TECRL: variants seen among roughly 807,000 people sequenced by gnomAD.
TECRL encodes the protein trans-2,3-enoyl-CoA reductase like, also known as trans-2,3-enoyl-CoA reductase-like.
Under a neutral mutation model 52.8 loss-of-function variants are expected in TECRL, and 63 were observed. The observed-to-expected ratio is 1.19, with a 90% CI of 0.97 to 1.47. The LOEUF is 1.47. Among genes scored for constraint, TECRL ranks in the 40% most tolerant of loss-of-function variants. TECRL has a pLI of 0.00. For synonymous variants in TECRL, 164 were observed against 141.9 expected, an observed-to-expected ratio of 1.16 and a Z score of -1.10; for missense variants, 482 against 429.6, an observed-to-expected ratio of 1.12 and a Z score of -1.08.
chr4:64,307,288 G>T (rs959166469), intron 6 of TECRL, among the ~76,000 whole-genome samples: 5 of 152,042 alleles, frequency 3.3e-5, no homozygotes, highest in African/African-American at 1.2e-4. Flanking sequence ...GGAAGCTTTG[G>T]GTATGAAGCT....
At chr4:64,340,137 A>G (rs1322777147) in intron 2 of TECRL, among the ~76,000 whole-genome samples, 2 of 152,164 alleles carry the variant, frequency 1.3e-5, no homozygotes, top group African/African-American at 4.8e-5. Context: ...AGGGAGGTGA[A>G]GCCAGGACTG....
chr4:64,346,810 G>A (rs180888705), intron 2 of TECRL, among the ~76,000 whole-genome samples: 7 of 152,316 alleles, frequency 4.6e-5, no homozygotes, highest in Admixed American at 4.6e-4. Flanking sequence ...GCACTGGACT[G>A]CAAGTTTCTC....
Position 64,278,681 on chromosome 4 carries a change from C to T in TECRL, c.*1391G>A, listed in dbSNP as rs1722670056. ...AATGTTCTTAACTATAGTCGTCCTA[C>T]AGTGGTATAGAACACCAGAAATTAT... On this transcript the variant is annotated 3_prime_UTR_variant, in exon 12 of 12. Coordinates refer to ENST00000381210, the MANE Select transcript of TECRL (RefSeq NM_001010874.5). 1 of 152,106 alleles carries T rather than the reference C, an allele frequency of 6.6e-6. No individual in the cohort carries two copies. The highest frequency in any genetic ancestry group is 2.4e-5 in the African/African-American group (1 of 41,430). The allele number at this position is 152,106 out of a possible 1,614,324, so 9.4% of individuals were successfully genotyped here. A position where few individuals can be genotyped will look rare whatever the true frequency, so the allele number is the denominator to read the frequency against.
chr4:64,397,097 A>T (rs765809051), intron 1 of TECRL, among the ~76,000 whole-genome samples: 4 of 152,172 alleles, frequency 2.6e-5, no homozygotes, highest in Non-Finnish European at 4.4e-5. Flanking sequence ...GAACTCTTAT[A>T]TTATAAAACA....
chr4:64,409,005 C>T (rs183532961), intron 1 of TECRL, 113 bp downstream of exon 1: 142 of 996,426 alleles, frequency 1.4e-4, no homozygotes, highest in Non-Finnish European at 1.0e-4. Context: ...AGGTAAAAGT[C>T]AGAAATGTAT....
chr4:64,401,271 A>G (rs953903460), intron 1 of TECRL, among the ~76,000 whole-genome samples: 1 of 152,224 alleles, frequency 6.6e-6, no homozygotes, highest in Non-Finnish European at 1.5e-5. Flanking sequence ...TACCATTTTA[A>G]TCTCAGTTTG....
At chr4:64,377,797 A>G (rs546351419) in intron 1 of TECRL, among the ~76,000 whole-genome samples, 139 of 152,250 alleles carry the variant, frequency 9.1e-4, no homozygotes, top group African/African-American at 3.3e-3. Flanking sequence ...CATTTACTAC[A>G]GTTTTTCACA....
chr4:64,361,785 T>C (rs1391825222), intron 2 of TECRL, among the ~76,000 whole-genome samples: 1 of 152,102 alleles, frequency 6.6e-6, no homozygotes, highest in African/African-American at 2.4e-5. Flanking sequence ...GCAAGAACTC[T>C]GACAACTTTA....
intron 8 of TECRL, among the ~76,000 whole-genome samples, chr4:64,294,971 G>T (rs1354272395): frequency 6.6e-6 from 1 of 151,806 alleles, no homozygotes; most frequent in East Asian, 1.9e-4. Context: ...ATATAAGCCA[G>T]TATCACAATG....
At chr4:64,345,372 T>TA (rs771517641) in intron 2 of TECRL, among the ~76,000 whole-genome samples, 1 of 151,954 alleles carries the variant, frequency 6.6e-6, no homozygotes, top group Non-Finnish European at 1.5e-5. Flanking sequence ...TATGCAGCCA[T>TA]AAAAATGATG....
intron 1 of TECRL, among the ~76,000 whole-genome samples, chr4:64,401,578 T>C (rs146491518): frequency 6.6e-6 from 1 of 152,312 alleles, no homozygotes; most frequent in Non-Finnish European, 1.5e-5. Context: ...CTATTTATTA[T>C]ATTGTAATTT....
chr4:64,277,069 A>T (rs547143680), downstream of TECRL: 128 of 1,487,214 alleles, frequency 8.6e-5, no homozygotes, highest in African/African-American at 1.6e-3. Context: ...TAAAAATGAG[A>T]AATAAATTTA....
intron 1 of TECRL, among the ~76,000 whole-genome samples, chr4:64,406,215 A>G (rs890652443): frequency 6.6e-6 from 1 of 151,668 alleles, no homozygotes; most frequent in Non-Finnish European, 1.5e-5. Flanking sequence ...CATAATAAAT[A>G]TATTTTCTTT....
At chr4:64,331,113 T>C (rs1718607052) in intron 2 of TECRL, among the ~76,000 whole-genome samples, 1 of 152,074 alleles carries the variant, frequency 6.6e-6, no homozygotes, top group African/African-American at 2.4e-5. Flanking sequence ...TGGTATTGAT[T>C]CCTATGCACA....
At chr4:64,375,773 T>C (rs183956316) in intron 1 of TECRL, among the ~76,000 whole-genome samples, 39 of 152,008 alleles carry the variant, frequency 2.6e-4, no homozygotes, top group Admixed American at 2.0e-3. Flanking sequence ...CTTAAGTACA[T>C]AGTAATTTGA....
intron 2 of TECRL, among the ~76,000 whole-genome samples, chr4:64,342,031 A>G (rs998053527): frequency 3.3e-5 from 5 of 152,144 alleles, no homozygotes; most frequent in African/African-American, 1.2e-4. Context: ...TGCCAGGCCG[A>G]GTGGGCAGAA....
intron 1 of TECRL, among the ~76,000 whole-genome samples, chr4:64,390,036 T>C (rs566971517): frequency 6.6e-6 from 1 of 151,996 alleles, no homozygotes; most frequent in East Asian, 1.9e-4. Context: ...TTCTACCTGA[T>C]GAGTGTATGT....
intron 2 of TECRL, among the ~76,000 whole-genome samples, chr4:64,367,764 T>A (rs1721702617): frequency 6.6e-6 from 1 of 152,114 alleles, no homozygotes; most frequent in South Asian, 2.1e-4. Flanking sequence ...GTATGCTAAA[T>A]AAAGAGTAGA....
At chr4:64,345,952 G>C (rs902970674) in intron 2 of TECRL, among the ~76,000 whole-genome samples, 31 of 95,354 alleles carry the variant, frequency 3.3e-4, no homozygotes, top group African/African-American at 1.3e-3. Flanking sequence ...ATCCCTCAAA[G>C]TATTAAGTGG....
Sources: gnomAD v4.1 joint callset for allele counts (sites outside exome capture counted in the v4.1 genomes callset) on GRCh38, gnomAD v4.1.1 for gene constraint, MANE v1.5 for transcripts, NCBI Gene and HGNC (gene_info 2026-07-23, HGNC 2026-07-21) for gene names.